Variants in PRKAR1B observed in about 807,000 individuals in gnomAD.
PRKAR1B encodes cAMP-dependent protein kinase type I-beta regulatory subunit.
PRKAR1B carries 22 observed loss-of-function variants against 46.5 expected under a neutral mutation model. The ratio of observed to expected loss-of-function variants is 0.47; its 90% CI spans 0.34 to 0.68. The LOEUF (loss-of-function observed/expected upper bound fraction) is 0.68, where lower values mean the gene tolerates loss of function less well. PRKAR1B is among the 30% of genes least tolerant of loss of function. The pLI is 0.01. For missense variants in PRKAR1B, 445 were observed against 535.6 expected, an observed-to-expected ratio of 0.83 and a Z score of 1.67; for synonymous variants, 259 against 217.7, an observed-to-expected ratio of 1.19 and a Z score of -1.67.
At chr7:559,381 G>A (rs1778646184) in intron 9 of PRKAR1B, among the ~76,000 whole-genome samples, 1 of 152,230 alleles carries the variant, frequency 6.6e-6, no homozygotes, top group African/African-American at 2.4e-5. Context: ...GAAGAGGCTG[G>A]AGCAGGGGGC....
intron 2 of PRKAR1B, among the ~76,000 whole-genome samples, chr7:703,480 C>T (rs1458896632): frequency 2.6e-5 from 4 of 151,922 alleles, no homozygotes; most frequent in African/African-American, 9.7e-5. Context: ...CAGTGAAACC[C>T]CATCTCTACT....
intron 4 of PRKAR1B, among the ~76,000 whole-genome samples, chr7:647,384 C>T (rs1013275499): frequency 1.3e-5 from 2 of 152,096 alleles, no homozygotes; most frequent in African/African-American, 4.8e-5. Context: ...GCCCCGTAGC[C>T]TCCTCGTCCT....
intron 7 of PRKAR1B, among the ~76,000 whole-genome samples, chr7:587,916 G>C (rs915567218): frequency 6.6e-6 from 1 of 152,258 alleles, no homozygotes; most frequent in Non-Finnish European, 1.5e-5. Flanking sequence ...GCAAGCTCCA[G>C]TGAAATGGGG....
chr7:674,718 C>A (rs534642650), intron 4 of PRKAR1B, among the ~76,000 whole-genome samples: 1 of 152,212 alleles, frequency 6.6e-6, no homozygotes, highest in African/African-American at 2.4e-5. Flanking sequence ...CCTAGCTACT[C>A]TAGCTACACC....
chr7:562,468 C>T (rs1452601020), intron 9 of PRKAR1B, among the ~76,000 whole-genome samples: 2 of 152,172 alleles, frequency 1.3e-5, no homozygotes, highest in Non-Finnish European at 2.9e-5. Flanking sequence ...ACACCTCCCT[C>T]GGCCTCACCT....
intron 1 of PRKAR1B, among the ~76,000 whole-genome samples, chr7:717,939 A>G (rs1780937075): frequency 6.6e-6 from 1 of 151,932 alleles, no homozygotes; most frequent in Admixed American, 6.6e-5. Context: ...AGCATCACAT[A>G]TGATTCATGG....
At chr7:682,575 C>T (rs1219792899) in intron 2 of PRKAR1B, among the ~76,000 whole-genome samples, 1 of 151,850 alleles carries the variant, frequency 6.6e-6, no homozygotes, top group African/African-American at 2.4e-5. Flanking sequence ...GAAACCCTGT[C>T]TCTACTAAAA....
intron 4 of PRKAR1B, among the ~76,000 whole-genome samples, chr7:636,436 C>A (rs927968290): frequency 1.3e-5 from 1 of 78,038 alleles, no homozygotes; most frequent in Non-Finnish European, 3.2e-5. Flanking sequence ...CCTCCACCGG[C>A]CGCGCCCTCA....
rs575094354 is a variant in PRKAR1B, at chr7:562,238, G to A, written c.892-10768C>T. Among the ~76,000 whole-genome samples, 110 of 142,752 alleles carry A rather than the reference G, an allele frequency of 7.7e-4. 2 individuals are homozygous for A. The South Asian group carries it at 0.022, about 29-fold the overall frequency. The allele number at this position is 142,752 out of a possible 152,430, so 93.7% of individuals were successfully genotyped here. A position where few individuals can be genotyped will look rare whatever the true frequency, so the allele number is the denominator to read the frequency against. ...GCCCCAGGCTACAGAGGCTCCTGCT[G>A]CCTGCCAGGCGGGGAGGTGGGGGCA... On this transcript the variant is annotated intron_variant, in intron 9 of 10. Coordinates refer to ENST00000537384, the MANE Select transcript of PRKAR1B (RefSeq NM_001164760.2).
chr7:706,345 G>A (rs1248962849), intron 2 of PRKAR1B, among the ~76,000 whole-genome samples: 1 of 106,448 alleles, frequency 9.4e-6, no homozygotes, highest in Non-Finnish European at 2.0e-5. Flanking sequence ...GATTGATGGT[G>A]TCATTTTGGA....
intron 4 of PRKAR1B, among the ~76,000 whole-genome samples, chr7:659,448 G>A (rs1268163597): frequency 1.3e-5 from 2 of 152,220 alleles, no homozygotes; most frequent in African/African-American, 4.8e-5. Flanking sequence ...GACCACGAAA[G>A]GGGGAGAGGA....
chr7:631,725 G>T (rs924084025), intron 4 of PRKAR1B, among the ~76,000 whole-genome samples: 2 of 152,142 alleles, frequency 1.3e-5, no homozygotes, highest in Admixed American at 1.3e-4. Context: ...AGTCCGAGGA[G>T]AGGTTCGCTT....
At chr7:632,556 T>C (rs780359218) in intron 4 of PRKAR1B, among the ~76,000 whole-genome samples, 5 of 152,180 alleles carry the variant, frequency 3.3e-5, no homozygotes, top group Non-Finnish European at 5.9e-5. Context: ...TCTGTGGGGA[T>C]TCCCTTGTTC....
chr7:569,909 G>A (rs1779400264), intron 9 of PRKAR1B, among the ~76,000 whole-genome samples: 1 of 152,228 alleles, frequency 6.6e-6, no homozygotes, highest in Non-Finnish European at 1.5e-5. Flanking sequence ...GCAGATGTCC[G>A]CATGCACAAA....
Position 602,809 on chromosome 7 carries a change from T to A in PRKAR1B, c.549+3384A>T, listed in dbSNP as rs1459093078. The stretch of plus-strand genomic sequence containing the variant: ...GTTATCTCAGTCTTCCCGGCAGCAG[T>A]GAGCTCTGTTCGTTTTTCTGAGTAA... On this transcript the variant is annotated intron_variant, in intron 6 of 10. Coordinates refer to ENST00000537384, the MANE Select transcript of PRKAR1B (RefSeq NM_001164760.2). This position sits in a 1 kb window ranked among gnomAD's most constrained non-coding sequence, Gnocchi z 6.4. 1 of 162,238 alleles carries A rather than the reference T, an allele frequency of 6.2e-6. No individual in the cohort carries two copies. The highest frequency in any genetic ancestry group is 1.9e-4 in the East Asian group (1 of 5,178). The allele number at this position is 162,238 out of a possible 1,614,324, so 10.0% of individuals were successfully genotyped here.
intron 7 of PRKAR1B, among the ~76,000 whole-genome samples, chr7:589,923 T>C (rs886078980): frequency 6.6e-6 from 1 of 152,216 alleles, no homozygotes; most frequent in Non-Finnish European, 1.5e-5. Flanking sequence ...GCTTTCATGA[T>C]GCCAACACCA....
intron 9 of PRKAR1B, among the ~76,000 whole-genome samples, chr7:564,873 G>A (rs1779037638): frequency 6.6e-6 from 1 of 152,184 alleles, no homozygotes; most frequent in Admixed American, 6.5e-5. Context: ...CCTTGCATCT[G>A]GGACGGGAGC....
chr7:666,513 ACT>A lies in PRKAR1B; in HGVS notation c.440+10714_440+10715del, dbSNP rs1785937732. Among the ~76,000 whole-genome samples the A allele has an allele frequency of 1.3e-5, 2 of 152,040 alleles. No individual in the cohort carries two copies. Among genetic ancestry groups the A allele is most frequent in the African/African-American group, 4.8e-5 (2 of 41,400 alleles). On this transcript the variant is annotated intron_variant, in intron 4 of 10. Transcript: ENST00000537384. This position sits in a 1 kb window ranked among gnomAD's most constrained non-coding sequence, Gnocchi z 4.9. ...TGGGGCCTGCCCTGGGAGCTACTCAACTCTGCAGAGGGGCTGTGCAGGTGCCG... is the reference window on the plus strand; with the variant it reads ...TGGGGCCTGCCCTGGGAGCTACTCAACTGCAGAGGGGCTGTGCAGGTGCCG...
At chr7:630,154 A>T (rs965682483) in intron 4 of PRKAR1B, among the ~76,000 whole-genome samples, 6 of 152,230 alleles carry the variant, frequency 3.9e-5, no homozygotes, top group African/African-American at 1.4e-4. Context: ...AGCGCAGTGG[A>T]AGAGCCAGGC....
Sources: allele counts gnomAD v4.1 joint callset (sites outside exome capture counted in the v4.1 genomes callset), GRCh38; gene constraint gnomAD v4.1.1; non-coding constraint Gnocchi (gnomAD v3.1); transcripts MANE v1.5; gene names NCBI Gene and HGNC (gene_info 2026-07-23, HGNC 2026-07-21).